EML6: variants seen among roughly 807,000 people sequenced by gnomAD.
The protein encoded by EML6 is EMAP like 6, also known as echinoderm microtubule-associated protein-like 6.
EML6 carries 154 observed loss-of-function variants against 240.1 expected under a neutral mutation model. That is an observed-to-expected ratio of 0.64 (90% confidence interval 0.56 to 0.73). The LOEUF is 0.73. EML6 is among the 30% of genes least tolerant of loss of function. The pLI, the probability that EML6 is intolerant of heterozygous loss-of-function variation, is 0.00. For synonymous variants in EML6, 1,148 were observed against 899.0 expected, an observed-to-expected ratio of 1.28 and a Z score of -4.95; for missense variants, 2,964 against 2,474.6, an observed-to-expected ratio of 1.20 and a Z score of -4.20.
chr2:54,860,258 C>G (rs1670605415), intron 12 of EML6, among the ~76,000 whole-genome samples: 1 of 152,154 alleles, frequency 6.6e-6, no homozygotes, highest in Admixed American at 6.6e-5. Context: ...GCTCTTAATT[C>G]ACCAACTCTG....
At chr2:54,779,595 C>G (rs1705025) in intron 2 of EML6, among the ~76,000 whole-genome samples, 46,922 of 148,214 alleles carry the variant, frequency 0.32, 7,916 homozygotes, top group Admixed American at 0.4. Flanking sequence ...GGTGTGGTAG[C>G]TTACACCTGT....
chr2:54,863,267 A>G (rs1210465041), intron 12 of EML6, among the ~76,000 whole-genome samples: 1 of 152,244 alleles, frequency 6.6e-6, no homozygotes, highest in African/African-American at 2.4e-5. Context: ...CCCATTTTAC[A>G]AAACAAAGCT....
At chr2:54,864,156 A>C (rs1670838404) in intron 13 of EML6, among the ~76,000 whole-genome samples, 1 of 152,150 alleles carries the variant, frequency 6.6e-6, no homozygotes, top group Non-Finnish European at 1.5e-5. Context: ...CTAGCACCTA[A>C]AACTTTAAAA....
chr2:54,848,224 T>G (rs917157139), intron 9 of EML6, among the ~76,000 whole-genome samples: 1 of 152,208 alleles, frequency 6.6e-6, no homozygotes, highest in African/African-American at 2.4e-5. Context: ...TGAAAAAAAT[T>G]ATGACCCACT....
At chr2:54,936,775 T>C (rs1675154442) in intron 28 of EML6, among the ~76,000 whole-genome samples, 1 of 152,198 alleles carries the variant, frequency 6.6e-6, no homozygotes, top group African/African-American at 2.4e-5. Context: ...ATTATTTTAC[T>C]TATAGCATTT....
At chr2:54,843,423 C>G (rs1669566960) in intron 7 of EML6, among the ~76,000 whole-genome samples, 1 of 152,080 alleles carries the variant, frequency 6.6e-6, no homozygotes, top group South Asian at 2.1e-4. Context: ...GAGACCTTGT[C>G]TCTAAAAAAT....
intron 2 of EML6, among the ~76,000 whole-genome samples, chr2:54,740,586 C>A (rs567065270): frequency 6.6e-6 from 1 of 152,288 alleles, no homozygotes; most frequent in East Asian, 1.9e-4. Context: ...CATTTCCTTT[C>A]AGGTTTACTT....
At chr2:54,873,250 C>G (rs959465727) in intron 16 of EML6, among the ~76,000 whole-genome samples, 2 of 152,308 alleles carry the variant, frequency 1.3e-5, no homozygotes, top group Non-Finnish European at 1.5e-5. Context: ...CTCTACAAAT[C>G]TGAGCTGCTG....
chr2:54,952,534 AG>A (rs1676035877), intron 30 of EML6, 59 bp from the exon 31 acceptor site: 7 of 1,045,646 alleles, frequency 6.7e-6, no homozygotes, highest in Non-Finnish European at 1.0e-5. Context: ...GATGTTTTGA[AG>A]TTGCCCTAAA....
At chr2:54,772,183 T>C (rs1453261853) in intron 2 of EML6, among the ~76,000 whole-genome samples, 1 of 152,254 alleles carries the variant, frequency 6.6e-6, no homozygotes, top group Non-Finnish European at 1.5e-5. Flanking sequence ...GACATTGTGC[T>C]AGGCAGTTTG....
At chr2:54,844,322 A>G in intron 8 of EML6, 74 bp downstream of exon 8, 1 of 1,155,522 alleles carries the variant, frequency 8.7e-7, no homozygotes, top group Admixed American at 2.0e-5. Context: ...TTATTAATAG[A>G]AGGATAAAGT....
At chr2:54,941,875 C>T (rs935775634) in intron 28 of EML6, among the ~76,000 whole-genome samples, 1 of 152,216 alleles carries the variant, frequency 6.6e-6, no homozygotes, top group Non-Finnish European at 1.5e-5. Flanking sequence ...ATAGCTGCAG[C>T]GAGCAGGTAG....
At chr2:54,838,553 C>G (rs1434824023) in intron 7 of EML6, among the ~76,000 whole-genome samples, 2 of 152,144 alleles carry the variant, frequency 1.3e-5, no homozygotes, top group East Asian at 3.8e-4. Context: ...GTAATGAGGT[C>G]TGATTTGATA....
At chr2:54,823,878 T>TCTCTCTCTCTGTCTCTCTC (rs60937620) in intron 5 of EML6, among the ~76,000 whole-genome samples, 1 of 129,198 alleles carries the variant, frequency 7.7e-6, no homozygotes, top group Non-Finnish European at 1.6e-5. Flanking sequence ...CTCTCTCTCT[T>TCTCTCTCTCTGTCTCTCTC]TCTGTCTCTC....
intron 24 of EML6, among the ~76,000 whole-genome samples, chr2:54,907,898 G>T (rs936004047): frequency 1.7e-4 from 21 of 123,636 alleles, no homozygotes; most frequent in Non-Finnish European, 3.1e-4. Flanking sequence ...AGATTAGATA[G>T]ATTAGATAGA....
intron 2 of EML6, among the ~76,000 whole-genome samples, chr2:54,744,951 CACACACACACA>C (rs1558521036): frequency 0.046 from 5,554 of 120,232 alleles, 196 homozygotes; most frequent in Middle Eastern, 0.12. Context: ...CACACACACA[CACACACACACA>C]CCCTGCCATG....
At chr2:54,864,820 C>T (rs1670881024) in intron 13 of EML6, among the ~76,000 whole-genome samples, 1 of 152,166 alleles carries the variant, frequency 6.6e-6, no homozygotes, top group Non-Finnish European at 1.5e-5. Flanking sequence ...TCTATATAAG[C>T]ATTAAATTGG....
intron 9 of EML6, among the ~76,000 whole-genome samples, chr2:54,848,818 CAA>C (rs966752909): frequency 2.6e-5 from 4 of 152,090 alleles, no homozygotes; most frequent in African/African-American, 9.7e-5. Context: ...AGAAACAAAA[CAA>C]AATATTCCAG....
intron 11 of EML6, 92 bp from the exon 12 acceptor site, chr2:54,859,442 T>G (rs1573016313): frequency 1.0e-6 from 1 of 970,080 alleles, no homozygotes; most frequent in Non-Finnish European, 1.5e-6. Context: ...ATTTAAAGAT[T>G]TTACTCTTCA....
Sources: gnomAD v4.1 joint callset for allele counts (sites outside exome capture counted in the v4.1 genomes callset) on GRCh38, gnomAD v4.1.1 for gene constraint, MANE v1.5 for transcripts, NCBI Gene and HGNC (gene_info 2026-07-23, HGNC 2026-07-21) for gene names.